Variants in FMN1 observed in about 807,000 individuals in gnomAD.
FMN1 encodes the protein formin 1, also known as formin-1.
A neutral mutation model predicts 132.4 loss-of-function variants in FMN1; 110 were observed. That is an observed-to-expected ratio of 0.83 (90% CI 0.71 to 0.97). The LOEUF (loss-of-function observed/expected upper bound fraction) is 0.97. Ranked by LOEUF, FMN1 falls within the 50% of genes least tolerant of loss-of-function variation. The probability of loss-of-function intolerance (pLI) is 0.00; values close to 1 mark genes in which losing one functional copy is unlikely to be tolerated. For missense variants in FMN1, 1,792 were observed against 1,705.3 expected (o/e 1.05, Z -0.90); for synonymous variants, 722 against 651.7 (o/e 1.11, Z -1.64).
intron 4 of FMN1, among the ~76,000 whole-genome samples, chr15:33,100,716 T>C (rs904652084): frequency 1.1e-4 from 16 of 152,192 alleles, no homozygotes; most frequent in Non-Finnish European, 2.1e-4. Flanking sequence ...TATCCTTCTG[T>C]GAATTTAAGT....
In FMN1 at chr15:32,857,057, G is replaced by C; in HGVS notation, c.3886C>G (p.Leu1296Val). 1 of 1,613,920 alleles carries C rather than the reference G, an allele frequency of 6.2e-7. No individual in the cohort carries two copies. Among genetic ancestry groups the C allele is most frequent in the Non-Finnish European group, 8.5e-7 (1 of 1,179,788 alleles). ...VVCKESPKEY[L>V]QPFKDKLEEF... Reference sequence around the variant, plus strand: ...TCTAGTTTGTCCTTGAAAGGCTGGAGATACTCCTTTGGGGACTCCTTGCAC... The same window carrying C: ...TCTAGTTTGTCCTTGAAAGGCTGGACATACTCCTTTGGGGACTCCTTGCAC... Residue 1296 changes from leucine (L) to valine (V), a missense_variant, in exon 17 of 21, where the codon CTC (leucine) becomes GTC (valine). Coordinates refer to ENST00000616417, the MANE Select transcript of FMN1 (RefSeq NM_001277313.2).
intron 3 of FMN1, among the ~76,000 whole-genome samples, chr15:33,171,938 G>A (rs756437729): frequency 1.3e-5 from 2 of 152,166 alleles, no homozygotes; most frequent in South Asian, 2.1e-4. Flanking sequence ...GGCCGGGCGC[G>A]GTGGCTCACG....
At chr15:33,083,633 C>G (rs2038574688) in intron 5 of FMN1, among the ~76,000 whole-genome samples, 1 of 152,152 alleles carries the variant, frequency 6.6e-6, no homozygotes, top group South Asian at 2.1e-4. Flanking sequence ...CATTTGTATC[C>G]TTTAAAAATA....
At chr15:32,819,654 C>T (rs2058156667) in intron 17 of FMN1, among the ~76,000 whole-genome samples, 2 of 151,770 alleles carry the variant, frequency 1.3e-5, no homozygotes, top group South Asian at 4.1e-4. Flanking sequence ...AAAGACGTTT[C>T]CTAAAGAAAT....
chr15:32,812,476 C>T (rs1267809076), intron 17 of FMN1, among the ~76,000 whole-genome samples: 1 of 152,116 alleles, frequency 6.6e-6, no homozygotes, highest in Non-Finnish European at 1.5e-5. Flanking sequence ...AGATGAAATT[C>T]ATTTATGTTT....
intron 9 of FMN1, among the ~76,000 whole-genome samples, chr15:32,940,469 C>T (rs1280076345): frequency 6.6e-6 from 1 of 151,042 alleles, no homozygotes; most frequent in African/African-American, 2.4e-5. Flanking sequence ...TTAAAGAGGG[C>T]AAACATATAT....
chr15:33,177,713 G>C (rs1965561215), intron 3 of FMN1, among the ~76,000 whole-genome samples: 1 of 152,160 alleles, frequency 6.6e-6, no homozygotes, highest in Non-Finnish European at 1.5e-5. Flanking sequence ...AAGAAATTTA[G>C]ATATGAGAAG....
rs75496065 is a variant in FMN1, at chr15:33,150,576, T to C, written c.1867+2472A>G. 2,431 of 985,466 alleles carry C rather than the reference T, an allele frequency of 2.5e-3. 45 individuals are homozygous for C. The African/African-American group carries it at 0.038, about 16-fold the overall frequency. 61.0% of individuals were successfully genotyped at this position (985,466 alleles called of 1,614,324 possible). A position where few individuals can be genotyped will look rare whatever the true frequency, so the allele number is the denominator to read the frequency against. On this transcript the variant is annotated intron_variant, in intron 4 of 20. Transcript: ENST00000616417. ...ATCCTTATGCTACATCCTGCATGAA[T>C]GGTAATGTCAGCTTTAACTGCTTAG...
chr15:32,886,576 T>C (rs1198496946), intron 16 of FMN1, among the ~76,000 whole-genome samples: 1 of 152,052 alleles, frequency 6.6e-6, no homozygotes, highest in Non-Finnish European at 1.5e-5. Flanking sequence ...TCATCAAACG[T>C]ACAGGGACGT....
chr15:33,129,607 G>T (rs962231600), intron 4 of FMN1, among the ~76,000 whole-genome samples: 1 of 152,020 alleles, frequency 6.6e-6, no homozygotes, highest in Non-Finnish European at 1.5e-5. Context: ...CACTGTCGTG[G>T]GTGTCACCCC....
intron 4 of FMN1, among the ~76,000 whole-genome samples, chr15:33,133,559 C>T (rs1035110005): frequency 3.3e-5 from 5 of 152,196 alleles, no homozygotes; most frequent in Admixed American, 3.3e-4. Flanking sequence ...CTCTCTGGAA[C>T]TCTGGCTTAG....
At chr15:33,067,815 C>T (rs764832567) in intron 5 of FMN1, 1 of 1,614,012 alleles carries the variant, frequency 6.2e-7, no homozygotes, top group East Asian at 2.2e-5. Flanking sequence ...TGAGCCACTT[C>T]AAGTCCGGCT....
At chr15:33,080,887 C>CAAA (rs34365750) in intron 5 of FMN1, among the ~76,000 whole-genome samples, 38 of 119,908 alleles carry the variant, frequency 3.2e-4, no homozygotes, top group African/African-American at 1.1e-3. Flanking sequence ...AACTCCGTCT[C>CAAA]AAAAAAAAAA....
chr15:33,012,841 G>T (rs2034808636), intron 6 of FMN1: 2 of 621,092 alleles, frequency 3.2e-6, no homozygotes, highest in Admixed American at 2.0e-5. Flanking sequence ...CAGTGGGGGT[G>T]GCTATAATGA....
chr15:33,029,640 T>G (rs957723009), intron 6 of FMN1, among the ~76,000 whole-genome samples: 5 of 152,042 alleles, frequency 3.3e-5, no homozygotes, highest in African/African-American at 1.2e-4. Flanking sequence ...ATGGCTGCTA[T>G]AGAAGGCAAT....
At position 32,973,315 on chromosome 15, in the gene FMN1, A is replaced by G. The variant is rs2031937748; in HGVS notation, c.2224-3838T>C. Among the ~76,000 whole-genome samples, 3 of 152,112 alleles carry G rather than the reference A, an allele frequency of 2.0e-5. No individual in the cohort carries two copies. The South Asian group carries it at 6.2e-4, about 32-fold the overall frequency. On this transcript the variant is annotated intron_variant, in intron 7 of 20. Transcript: ENST00000616417. ...GGATTCCAGTTTCCTAAACAGGTCC[A>G]TGCTCTTTCATGCATCTGGGTCTTT...
At chr15:33,084,182 T>C (rs2038600728) in intron 5 of FMN1, among the ~76,000 whole-genome samples, 1 of 152,198 alleles carries the variant, frequency 6.6e-6, no homozygotes, top group Non-Finnish European at 1.5e-5. Context: ...TTTTATTCCT[T>C]TACTTTCTTA....
rs2057590338 is a variant in FMN1 at position 32,804,434 on chromosome 15, ATT to A, written c.3929-104_3929-103del. The A allele has an allele frequency of 1.4e-4, 13 of 94,770 alleles. 2 individuals carry two copies. The highest frequency in any genetic ancestry group is 1.5e-4 in the Non-Finnish European group (8 of 54,264). 5.9% of individuals were successfully genotyped at this position (94,770 alleles called of 1,614,324 possible). A position where few individuals can be genotyped will look rare whatever the true frequency, so the allele number is the denominator to read the frequency against. ...CCATTCATTACCACAGGAGGTCTGA[ATT>A]CGGGGGGGGGGGGGGGGGGTAGCCT... On this transcript the variant is annotated intron_variant, in intron 17 of 20. Coordinates refer to ENST00000616417, the MANE Select transcript of FMN1 (RefSeq NM_001277313.2).
At position 32,850,553 on chromosome 15, in the gene FMN1, T is replaced by C. The variant is rs191124371; in HGVS notation, c.3928+6462A>G. Among the ~76,000 whole-genome samples, 601 of 152,178 alleles carry C rather than the reference T, an allele frequency of 3.9e-3. 4 individuals are homozygous for C. Among genetic ancestry groups the C allele is most frequent in the Middle Eastern group, 0.024 (7 of 294 alleles). On this transcript the variant is annotated intron_variant, in intron 17 of 20. Coordinates refer to ENST00000616417, the MANE Select transcript of FMN1 (RefSeq NM_001277313.2). ...AGAAAACCCAAGGAGGAGGAAAAAA[T>C]AGCCTCTAGGTACATTACACAATTC...
Sources: gnomAD v4.1 joint callset for allele counts (sites outside exome capture counted in the v4.1 genomes callset) on GRCh38, gnomAD v4.1.1 for gene constraint, MANE v1.5 for transcripts, NCBI Gene and HGNC (gene_info 2026-07-23, HGNC 2026-07-21) for gene names.